DOCK8: variants seen among roughly 807,000 people sequenced by gnomAD.
The protein encoded by DOCK8 is dedicator of cytokinesis protein 8.
In DOCK8, 141 loss-of-function variants were observed where a neutral mutation model predicts 245.6. The observed-to-expected ratio is 0.57, with a 90% CI of 0.50 to 0.66. The LOEUF (loss-of-function observed/expected upper bound fraction) is 0.66. DOCK8 is among the 30% of genes least tolerant of loss of function. The pLI is 0.00. For missense variants in DOCK8, 2,965 were observed against 2,603.4 expected, an observed-to-expected ratio of 1.14 and a Z score of -3.02; for synonymous variants, 1,168 against 970.2, an observed-to-expected ratio of 1.20 and a Z score of -3.79.
chr9:400,001 C>CCATCACCACCTCCTTCACCATCACCAG (rs1363487533), intron 26 of DOCK8, among the ~76,000 whole-genome samples: 62 of 109,214 alleles, frequency 5.7e-4, no homozygotes, highest in African/African-American at 1.2e-3. Context: ...ACCACCTCCA[C>CCATCACCACCTCCTTCACCATCACCAG]CACCTCCACC....
chr9:403,994 G>GTATATATATATATGTGTA (rs2055298338), intron 26 of DOCK8, among the ~76,000 whole-genome samples: 2 of 70,460 alleles, frequency 2.8e-5, no homozygotes, highest in African/African-American at 8.0e-5. Context: ...ATATATATGT[G>GTATATATATATATGTGTA]TATATATATA....
intron 1 of DOCK8, among the ~76,000 whole-genome samples, chr9:236,271 A>T (rs1174353486): frequency 2.0e-5 from 3 of 152,184 alleles, no homozygotes; most frequent in Non-Finnish European, 4.4e-5. Flanking sequence ...TAAAAAAGAC[A>T]TGCCAGCTAA....
Position 289,539 on chromosome 9 carries a change from G to A in DOCK8, c.362G>A (p.Cys121Tyr). The A allele has an allele frequency of 6.2e-7, 1 of 1,613,626 alleles. No individual in the cohort carries two copies. Among genetic ancestry groups the A allele is most frequent in the Non-Finnish European group, 8.5e-7 (1 of 1,179,688 alleles). Residue 121 changes from cysteine to tyrosine, a missense_variant, in exon 4 of 48, where the codon TGT becomes TAT. Around this residue, in one of 3 missense-constraint regions of DOCK8, gnomAD observed 2,825 missense variants for 2,453.5 expected, o/e 1.15. Transcript: ENST00000432829. Reference sequence around the variant, plus strand: ...GAACTGGACCCTCATGTCAGGGACTGTGTTCAGACCTACATCCGTGAGTGG... The same window carrying A: ...GAACTGGACCCTCATGTCAGGGACTATGTTCAGACCTACATCCGTGAGTGG... ...GVELDPHVRD[C>Y]VQTYIREWLI... is the part of the protein sequence containing the mutation.
At chr9:414,052 G>T (rs1436084465) in intron 28 of DOCK8, among the ~76,000 whole-genome samples, 1 of 151,268 alleles carries the variant, frequency 6.6e-6, no homozygotes, top group Non-Finnish European at 1.5e-5. Context: ...TGAGTCAGAA[G>T]AATTGCTTGA....
In DOCK8 at chr9:262,029, AAG is replaced by A. The variant is rs753556443; in HGVS notation, c.54-9596_54-9595del. 3.2e-4 allele frequency among the ~76,000 whole-genome samples: 41 copies of A among 128,574 alleles called. 1 individual carries two copies. The highest frequency in any genetic ancestry group is 1.2e-3 in the African/African-American group (39 of 32,306). The allele number at this position is 128,574 out of a possible 152,430, so 84.3% of individuals were successfully genotyped here. A position where few individuals can be genotyped will look rare whatever the true frequency, so the allele number is the denominator to read the frequency against. ...AAAGAAAGAAAGAAAGAAAGAAAGAAAGAAAGACACCGCGATTTACCTATGTT... is the reference window on the plus strand; with the variant it reads ...AAAGAAAGAAAGAAAGAAAGAAAGAAAAAGACACCGCGATTTACCTATGTT... On this transcript the variant is annotated intron_variant, in intron 1 of 47. Coordinates refer to ENST00000432829, the MANE Select transcript of DOCK8 (RefSeq NM_203447.4).
At position 429,932 on chromosome 9, in the gene DOCK8, A is replaced by G. The variant is rs1032037826; in HGVS notation, c.4626+78A>G. The stretch of plus-strand genomic sequence containing the variant: ...TAAAGCATCAGCTGCGAAAAAAAAT[A>G]AGGAAATTTTGCAGTATTGCAGTTT... On this transcript the variant is annotated intron_variant, in intron 36 of 47. Coordinates refer to ENST00000432829, the MANE Select transcript of DOCK8 (RefSeq NM_203447.4). 26 of 1,563,774 alleles carry G rather than the reference A, an allele frequency of 1.7e-5. No individual in the cohort carries two copies. In the African/African-American group the frequency reaches 3.1e-4, roughly 19 times the overall value.
At chr9:308,753 G>C (rs1054715558) in intron 5 of DOCK8, among the ~76,000 whole-genome samples, 1 of 152,138 alleles carries the variant, frequency 6.6e-6, no homozygotes, top group Non-Finnish European at 1.5e-5. Context: ...TGCCTCCCAG[G>C]TTCAAGTGAT....
At chr9:220,822 G>A in intron 1 of DOCK8, 1 of 351,360 alleles carries the variant, frequency 2.8e-6, no homozygotes, top group Non-Finnish European at 5.5e-6. Context: ...CCGGATTCAA[G>A]CGATTCTCCT....
At chr9:261,080 C>A (rs149672252) in intron 1 of DOCK8, among the ~76,000 whole-genome samples, 185 of 146,118 alleles carry the variant, frequency 1.3e-3, no homozygotes, top group African/African-American at 4.3e-3. Flanking sequence ...AGCAAGACTC[C>A]GTCTCAAAAA....
chr9:272,591 T>C (rs145254992), intron 2 of DOCK8, among the ~76,000 whole-genome samples: 2 of 152,274 alleles, frequency 1.3e-5, no homozygotes, highest in East Asian at 3.9e-4. Context: ...CTCGCTATGT[T>C]GCCCAGGCTG....
Position 304,757 on chromosome 9 carries a change from G to A in DOCK8, c.528+53G>A, listed in dbSNP as rs1333297561. 2.5e-6 allele frequency: 4 copies of A among 1,612,622 alleles called. No individual in the cohort carries two copies. The East Asian group carries it at 8.9e-5, about 36-fold the overall frequency. ...CAGGTTACTGGGCTCTTCTGCCCAG[G>A]GCATGCTGTCAGTTTTACAAACTAG... On this transcript the variant is annotated intron_variant, in intron 5 of 47. Transcript: ENST00000432829.
intron 1 of DOCK8, among the ~76,000 whole-genome samples, chr9:222,433 G>C (rs1022253011): frequency 2.0e-5 from 3 of 152,080 alleles, no homozygotes; most frequent in Admixed American, 2.0e-4. Context: ...TCAAGCTTTT[G>C]ATTGCCAAAT....
chr9:215,223 C>T, intron 1 of DOCK8, 194 bp downstream of exon 1: 2 of 1,549,702 alleles, frequency 1.3e-6, no homozygotes, highest in Non-Finnish European at 1.7e-6. Context: ...CTGCGCTGGG[C>T]CCGGCGAGGT....
chr9:374,678 C>A (rs4446780), intron 18 of DOCK8, among the ~76,000 whole-genome samples: 14 of 149,348 alleles, frequency 9.4e-5, no homozygotes, highest in African/African-American at 3.2e-4. Context: ...GCTGCTCAGG[C>A]TGGTCTCAAA....
At chr9:257,485 G>C (rs2047806348) in intron 1 of DOCK8, among the ~76,000 whole-genome samples, 1 of 152,180 alleles carries the variant, frequency 6.6e-6, no homozygotes, top group Non-Finnish European at 1.5e-5. Context: ...ATCATCTGGA[G>C]GGCTTGTTTT....
intron 29 of DOCK8, 61 bp from the exon 30 acceptor site, chr9:418,007 G>T (rs2056102645): frequency 1.2e-6 from 2 of 1,610,232 alleles, no homozygotes; most frequent in Non-Finnish European, 1.7e-6. Flanking sequence ...CTCTTATTGG[G>T]TAGGGGACAT....
intron 28 of DOCK8, among the ~76,000 whole-genome samples, chr9:409,438 T>C (rs994123672): frequency 2.6e-5 from 4 of 152,218 alleles, no homozygotes; most frequent in African/African-American, 4.8e-5. Context: ...TTTACAATTA[T>C]CTTACTTTAG....
chr9:266,793 G>T (rs570221148), intron 1 of DOCK8, among the ~76,000 whole-genome samples: 1 of 152,156 alleles, frequency 6.6e-6, no homozygotes, highest in African/African-American at 2.4e-5. Context: ...GGAGAATAAA[G>T]AGGATAATAT....
At chr9:307,282 T>C (rs1325961637) in intron 5 of DOCK8, among the ~76,000 whole-genome samples, 2 of 149,868 alleles carry the variant, frequency 1.3e-5, no homozygotes, top group South Asian at 2.1e-4. Flanking sequence ...AGCACACGCT[T>C]TCCTGCAGCA....
Sources: allele counts gnomAD v4.1 joint callset (sites outside exome capture counted in the v4.1 genomes callset), GRCh38; gene constraint gnomAD v4.1.1; regional missense constraint gnomAD v4.1.1; transcripts MANE v1.5; gene names NCBI Gene and HGNC (gene_info 2026-07-23, HGNC 2026-07-21).